The following NELL2 variants were observed in gnomAD, a reference collection of about 807,000 sequenced individuals.
NELL2 encodes the protein neural EGFL like 2.
In NELL2, 41 loss-of-function variants were observed where a neutral mutation model predicts 109.6. The observed-to-expected ratio is 0.37, with a 90% confidence interval of 0.29 to 0.49. The LOEUF is 0.49. Among genes scored for constraint, NELL2 ranks in the 20% least tolerant of loss-of-function variants. The pLI is 0.98. For synonymous variants in NELL2, 355 were observed against 344.7 expected (o/e 1.03, Z -0.33); for missense variants, 900 against 1,008.3 (o/e 0.89, Z 1.45).
intron 15 of NELL2, among the ~76,000 whole-genome samples, chr12:44,553,531 C>T (rs1943124223): frequency 6.6e-6 from 1 of 152,042 alleles, no homozygotes; most frequent in Admixed American, 6.5e-5. Flanking sequence ...CTTCTATAAC[C>T]TAGTGTAAGG....
At chr12:44,919,638 C>T (rs771586179) in intron 1 of NELL2, among the ~76,000 whole-genome samples, 1 of 152,012 alleles carries the variant, frequency 6.6e-6, no homozygotes, top group Non-Finnish European at 1.5e-5. Context: ...ATCAGAGTGA[C>T]GGGTCTACAA....
At chr12:44,718,595 T>A (rs78648300) in intron 9 of NELL2, among the ~76,000 whole-genome samples, 6,271 of 152,264 alleles carry the variant, frequency 0.041, 428 homozygotes, top group African/African-American at 0.14. Context: ...AATCACTTAC[T>A]AGCTTAAAGC....
chr12:44,540,299 A>C (rs1247032745), intron 15 of NELL2, among the ~76,000 whole-genome samples: 1 of 152,218 alleles, frequency 6.6e-6, no homozygotes, highest in Non-Finnish European at 1.5e-5. Flanking sequence ...CATAGGGGAA[A>C]GTATAATACA....
rs1491151191 is a variant in NELL2 at position 44,791,096 on chromosome 12, T to TATACAC, written c.336-11075_336-11074insGTGTAT. Among the ~76,000 whole-genome samples, 49 of 23,870 alleles carry TATACAC rather than the reference T, an allele frequency of 2.1e-3. 2 individuals carry two copies. Among genetic ancestry groups the TATACAC allele is most frequent in the Admixed American group, 6.9e-3 (9 of 1,310 alleles). The allele number at this position is 23,870 out of a possible 152,430, so 15.7% of individuals were successfully genotyped here. ...ATATATATATACATATATATATATATGTATATATATATGTATATATATATG... is the reference window on the plus strand; with the variant it reads ...ATATATATATACATATATATATATATATACACGTATATATATATGTATATATATATG... On this transcript the variant is annotated intron_variant, in intron 3 of 19. Coordinates refer to ENST00000429094, the MANE Select transcript of NELL2 (RefSeq NM_001145108.2).
intron 12 of NELL2, among the ~76,000 whole-genome samples, chr12:44,671,436 A>C (rs1486050627): frequency 6.6e-6 from 1 of 152,184 alleles, no homozygotes; most frequent in Non-Finnish European, 1.5e-5. Context: ...GAAATGACAA[A>C]GATCAGACCA....
At chr12:44,532,200 G>A (rs913284906) in intron 16 of NELL2, among the ~76,000 whole-genome samples, 3 of 152,094 alleles carry the variant, frequency 2.0e-5, no homozygotes, top group African/African-American at 7.2e-5. Context: ...CATCATCATT[G>A]CATTTCCTCT....
chr12:44,536,406 AAG>A (rs1942296777), intron 15 of NELL2, among the ~76,000 whole-genome samples: 1 of 152,054 alleles, frequency 6.6e-6, no homozygotes, highest in Non-Finnish European at 1.5e-5. Context: ...AGCAGTAAAA[AAG>A]AGTTCAAATA....
chr12:44,603,103 C>T (rs959863747), intron 15 of NELL2, among the ~76,000 whole-genome samples: 7 of 152,050 alleles, frequency 4.6e-5, no homozygotes, highest in Non-Finnish European at 7.4e-5. Flanking sequence ...TACAAAAACA[C>T]TTAGGGGTGC....
intron 1 of NELL2, among the ~76,000 whole-genome samples, chr12:44,884,083 C>T (rs1468691314): frequency 1.3e-5 from 2 of 151,416 alleles, no homozygotes; most frequent in East Asian, 1.9e-4. Context: ...AAGAAATCTA[C>T]TTCAAATATA....
intron 12 of NELL2, among the ~76,000 whole-genome samples, chr12:44,679,542 C>T (rs1948427987): frequency 6.6e-6 from 1 of 152,116 alleles, no homozygotes. Flanking sequence ...CATCCTGTGA[C>T]CTGGGGAGAA....
intron 15 of NELL2, among the ~76,000 whole-genome samples, chr12:44,538,421 T>A (rs74085089): frequency 0.045 from 6,858 of 152,262 alleles, 534 homozygotes; most frequent in African/African-American, 0.16. Flanking sequence ...TCCAAAATAA[T>A]CCTTCAGAGT....
chr12:44,516,551 G>C (rs987321729), intron 19 of NELL2, among the ~76,000 whole-genome samples: 3 of 152,114 alleles, frequency 2.0e-5, no homozygotes, highest in Non-Finnish European at 4.4e-5. Flanking sequence ...TTACAATTAA[G>C]GTTCAATTAT....
intron 13 of NELL2, among the ~76,000 whole-genome samples, chr12:44,615,822 C>G (rs1945799738): frequency 6.6e-6 from 1 of 152,082 alleles, no homozygotes; most frequent in Non-Finnish European, 1.5e-5. Flanking sequence ...AGGCAAAGGA[C>G]AGACATCACT....
At chr12:44,597,906 G>A (rs1487261735) in intron 15 of NELL2, among the ~76,000 whole-genome samples, 1 of 152,204 alleles carries the variant, frequency 6.6e-6, no homozygotes, top group Non-Finnish European at 1.5e-5. Context: ...GCTGAAAGCA[G>A]GACAAATGCA....
At chr12:44,591,908 A>G (rs976289007) in intron 15 of NELL2, among the ~76,000 whole-genome samples, 8 of 152,174 alleles carry the variant, frequency 5.3e-5, no homozygotes, top group African/African-American at 1.9e-4. Context: ...TGCCACTTAA[A>G]ATTTTAAAAA....
chr12:44,921,839 C>A (rs1945870357), exon 1 of NELL2: 1 of 152,126 alleles, frequency 6.6e-6, no homozygotes, highest in Non-Finnish European at 1.5e-5. Context: ...CTTCAGTTCA[C>A]ATGTGGTTTG....
intron 9 of NELL2, among the ~76,000 whole-genome samples, chr12:44,759,626 T>C (rs1013595026): frequency 1.3e-5 from 2 of 152,176 alleles, no homozygotes; most frequent in Non-Finnish European, 2.9e-5. Context: ...GCCAAACTAT[T>C]TCTTAAGCTA....
chr12:44,582,560 A>G (rs1944359400), intron 15 of NELL2, among the ~76,000 whole-genome samples: 1 of 152,146 alleles, frequency 6.6e-6, no homozygotes, highest in South Asian at 2.1e-4. Context: ...TGAAGATACT[A>G]TGGCATATGA....
chr12:44,601,023 T>C (rs1316626359), intron 15 of NELL2, among the ~76,000 whole-genome samples: 1 of 152,136 alleles, frequency 6.6e-6, no homozygotes, highest in African/African-American at 2.4e-5. Flanking sequence ...CAAGTTAATA[T>C]ACAAAAATGA....
Sources: allele counts gnomAD v4.1 joint callset (sites outside exome capture counted in the v4.1 genomes callset), GRCh38; gene constraint gnomAD v4.1.1; transcripts MANE v1.5; gene names NCBI Gene and HGNC (gene_info 2026-07-23, HGNC 2026-07-21).